The following SYNE1 variants were observed in gnomAD, a reference collection of about 807,000 sequenced individuals.
The protein encoded by SYNE1 is spectrin repeat containing nuclear envelope protein 1, also known as nesprin-1.
A neutral mutation model predicts 1,111.0 loss-of-function variants in SYNE1; 616 were observed. The observed-to-expected ratio is 0.55, with a 90% CI of 0.52 to 0.59. The LOEUF (loss-of-function observed/expected upper bound fraction) is 0.59. Among genes scored for constraint, SYNE1 ranks in the 20% least tolerant of loss-of-function variants. The probability of loss-of-function intolerance (pLI) is 0.00; values close to 1 mark genes in which losing one functional copy is unlikely to be tolerated. For synonymous variants in SYNE1, 3,855 were observed against 3,825.8 expected, an observed-to-expected ratio of 1.01 and a Z score of -0.28; for missense variants, 10,006 against 10,417.0, an observed-to-expected ratio of 0.96 and a Z score of 1.72.
intron 50 of SYNE1, 45 bp from the exon 51 acceptor site, chr6:152,395,716 AT>A: frequency 1.2e-6 from 2 of 1,604,462 alleles, no homozygotes; most frequent in Non-Finnish European, 1.7e-6. Context: ...CATGCTTGTT[AT>A]GATAAATTAC....
chr6:152,339,802 C>A (rs1401879901), intron 74 of SYNE1, among the ~76,000 whole-genome samples: 1 of 152,194 alleles, frequency 6.6e-6, no homozygotes, highest in East Asian at 1.9e-4. Context: ...ACACAGATGT[C>A]TGGGCTTCTT....
At chr6:152,301,033 T>C (rs1159219068) in intron 92 of SYNE1, among the ~76,000 whole-genome samples, 1 of 152,244 alleles carries the variant, frequency 6.6e-6, no homozygotes, top group East Asian at 1.9e-4. Context: ...GTTGATTAAA[T>C]ACTTCATTAT....
intron 6 of SYNE1, among the ~76,000 whole-genome samples, chr6:152,518,069 GA>G (rs1185490632): frequency 1.3e-5 from 2 of 151,812 alleles, no homozygotes; most frequent in Non-Finnish European, 2.9e-5. Context: ...CACTGACGGG[GA>G]TGGGGAAGAA....
In SYNE1 at chr6:152,233,973, G is replaced by A. The variant is rs1562379182; in HGVS notation, c.20530-10C>T. 1.2e-6 allele frequency: 2 copies of A among 1,613,594 alleles called. No individual in the cohort carries two copies. Among genetic ancestry groups the A allele is most frequent in the African/African-American group, 2.7e-5 (2 of 74,920 alleles). Reference sequence around the variant, plus strand: ...CTTCTTTAGAAAACTCCTGAAACAAGTAGCGATGTTCAAATTAGGGTTAAA... The same window carrying A: ...CTTCTTTAGAAAACTCCTGAAACAAATAGCGATGTTCAAATTAGGGTTAAA... On this transcript the variant is annotated splice_polypyrimidine_tract_variant and intron_variant, in intron 111 of 145. Transcript: ENST00000367255.
chr6:152,537,263 G>A (rs2099248008), intron 4 of SYNE1, among the ~76,000 whole-genome samples: 1 of 152,018 alleles, frequency 6.6e-6, no homozygotes, highest in Non-Finnish European at 1.5e-5. Context: ...TACATAATTG[G>A]AGAAGCATTA....
At chr6:152,191,362 GTTC>G (rs2072314255) in intron 127 of SYNE1, among the ~76,000 whole-genome samples, 1 of 151,812 alleles carries the variant, frequency 6.6e-6, no homozygotes, top group African/African-American at 2.4e-5. Context: ...ATTGGTATTA[GTTC>G]TTCTTTAAAT....
Position 152,201,818 on chromosome 6 carries a change from A to C in SYNE1, c.23145+6T>G, listed in dbSNP as rs794727081. On this transcript the variant is annotated splice_donor_region_variant and intron_variant, in intron 127 of 145. Transcript: ENST00000367255. ...TGACGGTGAAAATCTCAGTTCAGTA[A>C]TTTACCTTGCAACGCATTTGTTCTG... 1 of 1,613,732 alleles carries C rather than the reference A, an allele frequency of 6.2e-7. No homozygotes were observed. The highest frequency in any genetic ancestry group is 8.5e-7 in the Non-Finnish European group (1 of 1,179,824).
chr6:152,441,950 A>G (rs567934172), intron 31 of SYNE1, 125 bp downstream of exon 31: 192 of 1,174,298 alleles, frequency 1.6e-4, no homozygotes, highest in Admixed American at 6.0e-4. Flanking sequence ...GTTCATGTAC[A>G]GAATTTAACA....
At position 152,483,219 on chromosome 6, in the gene SYNE1, A is replaced by T; in HGVS notation, c.1216T>A (p.Ser406Thr). 1 of 1,614,178 alleles carries T rather than the reference A, an allele frequency of 6.2e-7. No individual in the cohort carries two copies. Among genetic ancestry groups the T allele is most frequent in the Non-Finnish European group, 8.5e-7 (1 of 1,180,018 alleles). ...LFDWHIQLDK[S>T]LPAPLGTIGA... ...ATGGTGCCCAGAGGTGCAGGAAGAG[A>T]TTTATCAAGCTGTATATGCCAGTCA... Residue 406 changes from serine (S) to threonine (T), a missense_variant, in exon 14 of 146, where the codon TCT becomes ACT. Transcript: ENST00000367255.
intron 3 of SYNE1, among the ~76,000 whole-genome samples, chr6:152,581,481 G>A (rs1288105177): frequency 3.3e-5 from 5 of 152,212 alleles, no homozygotes; most frequent in Admixed American, 3.3e-4. Flanking sequence ...GGACTTCAGA[G>A]TAGGAAAATA....
chr6:152,336,150 T>A (rs1270957915), intron 76 of SYNE1: 1 of 151,238 alleles, frequency 6.6e-6, no homozygotes, highest in African/African-American at 2.5e-5. Context: ...GATGAAAATC[T>A]AAAAAAAGAA....
chr6:152,479,079 G>A (rs2098858582), intron 14 of SYNE1, among the ~76,000 whole-genome samples: 3 of 152,162 alleles, frequency 2.0e-5, no homozygotes, highest in South Asian at 2.1e-4. Context: ...TCTGACTGGA[G>A]AGGAAGGTAC....
At chr6:152,543,910 C>A (rs922723687) in intron 3 of SYNE1, among the ~76,000 whole-genome samples, 3 of 152,136 alleles carry the variant, frequency 2.0e-5, no homozygotes, top group African/African-American at 4.8e-5. Flanking sequence ...ATAGTCTATA[C>A]CCTCTAGGTT....
intron 64 of SYNE1, among the ~76,000 whole-genome samples, chr6:152,360,267 TC>T (rs2096909607): frequency 6.6e-6 from 1 of 152,112 alleles, no homozygotes; most frequent in African/African-American, 2.4e-5. Flanking sequence ...TTGCAGCCCC[TC>T]CCTGCCTACT....
At chr6:152,217,742 AAGG>A (rs1440716702) in intron 121 of SYNE1, among the ~76,000 whole-genome samples, 2 of 152,000 alleles carry the variant, frequency 1.3e-5, no homozygotes, top group Admixed American at 6.6e-5. Context: ...CAGCCGTGGA[AAGG>A]AGGAGTGAGG....
chr6:152,140,991 C>T (rs1196404835), intron 139 of SYNE1, among the ~76,000 whole-genome samples: 3 of 152,076 alleles, frequency 2.0e-5, no homozygotes, highest in South Asian at 2.1e-4. Flanking sequence ...GCCGAGATAG[C>T]GCCACTGCAC....
chr6:152,527,148 G>A (rs12192594), intron 4 of SYNE1, among the ~76,000 whole-genome samples: 41,155 of 152,002 alleles, frequency 0.27, 6,459 homozygotes, highest in East Asian at 0.46. Flanking sequence ...GACTTTCAAT[G>A]TTCTTTCTTT....
intron 14 of SYNE1, 95 bp from the exon 15 acceptor site, chr6:152,472,508 A>T (rs1179743088): frequency 3.5e-6 from 4 of 1,144,030 alleles, no homozygotes; most frequent in Non-Finnish European, 5.2e-6. Context: ...GAGTCAATGT[A>T]TTCAACAATT....
At chr6:152,235,786 G>A (rs182435178) in intron 110 of SYNE1, among the ~76,000 whole-genome samples, 3 of 152,202 alleles carry the variant, frequency 2.0e-5, no homozygotes, top group Non-Finnish European at 2.9e-5. Flanking sequence ...CTATTGCCCA[G>A]GCTGGAGTAC....
Sources: allele counts gnomAD v4.1 joint callset (sites outside exome capture counted in the v4.1 genomes callset), GRCh38; gene constraint gnomAD v4.1.1; transcripts MANE v1.5; gene names NCBI Gene and HGNC (gene_info 2026-07-23, HGNC 2026-07-21).